Variants in UBE2E2 observed in about 807,000 individuals in gnomAD.
UBE2E2 encodes ubiquitin conjugating enzyme E2 E2, also known as ubiquitin-conjugating enzyme E2 E2.
A neutral mutation model predicts 24.7 loss-of-function variants in UBE2E2; 6 were observed. The ratio of observed to expected loss-of-function variants is 0.24; its 90% CI spans 0.13 to 0.48. The LOEUF is 0.48. Ranked by LOEUF, UBE2E2 falls within the 20% of genes least tolerant of loss-of-function variation. UBE2E2 has a pLI of 0.99. For missense variants in UBE2E2, 169 were observed against 245.0 expected (o/e 0.69, Z 2.07); for synonymous variants, 104 against 83.6 (o/e 1.24, Z -1.33).
intron 3 of UBE2E2, among the ~76,000 whole-genome samples, chr3:23,320,627 A>T (rs1289384978): frequency 1.3e-5 from 2 of 152,192 alleles, no homozygotes; most frequent in African/African-American, 4.8e-5. Flanking sequence ...CACTGTACAG[A>T]AAGGTTACGT....
At chr3:23,383,863 A>T (rs1027377950) in intron 3 of UBE2E2, among the ~76,000 whole-genome samples, 1 of 151,684 alleles carries the variant, frequency 6.6e-6, no homozygotes, top group Non-Finnish European at 1.5e-5. Flanking sequence ...GGGAAATAGT[A>T]TATCCATCAA....
At chr3:23,291,035 C>G (rs973765603) in intron 3 of UBE2E2, among the ~76,000 whole-genome samples, 2 of 150,052 alleles carry the variant, frequency 1.3e-5, no homozygotes, top group Admixed American at 1.3e-4. Context: ...ATGCACTGCC[C>G]TCCAGCCTGG....
At chr3:23,283,610 T>A (rs1698534518) in intron 3 of UBE2E2, among the ~76,000 whole-genome samples, 1 of 152,086 alleles carries the variant, frequency 6.6e-6, no homozygotes, top group South Asian at 2.1e-4. Context: ...ACTTATAGTC[T>A]CAGCAGATGT....
At chr3:23,252,935 A>G (rs1453448896) in intron 3 of UBE2E2, among the ~76,000 whole-genome samples, 2 of 152,218 alleles carry the variant, frequency 1.3e-5, no homozygotes, top group East Asian at 1.9e-4. Flanking sequence ...TAAAGAGACT[A>G]GTAAGAATCC....
rs367657033 is a variant in UBE2E2, at chr3:23,575,419, G to A, written c.509-14315G>A. On this transcript the variant is annotated intron_variant, in intron 5 of 5. Transcript: ENST00000396703. ...CTAAAGCAAATTTTGACCGAGTACT[G>A]AGGCCAAAGCTTAGTTATAGTGTGT... Among the ~76,000 whole-genome samples the A allele has an allele frequency of 5.9e-5, 9 of 152,252 alleles. No homozygotes were observed. In the South Asian group the frequency reaches 1.9e-3, roughly 32 times the overall value.
intron 3 of UBE2E2, among the ~76,000 whole-genome samples, chr3:23,238,837 G>A (rs1371770287): frequency 1.3e-5 from 2 of 152,136 alleles, no homozygotes; most frequent in African/African-American, 4.8e-5. Flanking sequence ...GCCACATGGG[G>A]TTAGGTGTGG....
At chr3:23,348,610 C>A (rs1376979825) in intron 3 of UBE2E2, among the ~76,000 whole-genome samples, 1 of 152,134 alleles carries the variant, frequency 6.6e-6, no homozygotes, top group Non-Finnish European at 1.5e-5. Flanking sequence ...ACACCAAGGA[C>A]TGGTCAGTCC....
intron 3 of UBE2E2, among the ~76,000 whole-genome samples, chr3:23,221,270 T>C (rs570411078): frequency 6.6e-6 from 1 of 152,332 alleles, no homozygotes; most frequent in East Asian, 1.9e-4. Context: ...ACACTGGCGC[T>C]GCTTTTTAAT....
intron 3 of UBE2E2, among the ~76,000 whole-genome samples, chr3:23,238,414 TAA>T (rs34476802): frequency 6.6e-6 from 1 of 152,200 alleles, no homozygotes; most frequent in Non-Finnish European, 1.5e-5. Context: ...TGTGCAAATG[TAA>T]AGAGTTATAT....
chr3:23,582,436 C>A (rs1399843030), intron 5 of UBE2E2, among the ~76,000 whole-genome samples: 1 of 152,150 alleles, frequency 6.6e-6, no homozygotes, highest in Non-Finnish European at 1.5e-5. Context: ...ATTGCTGGGT[C>A]AAATGGTAAT....
chr3:23,302,963 A>G (rs1699140177), intron 3 of UBE2E2, among the ~76,000 whole-genome samples: 2 of 152,146 alleles, frequency 1.3e-5, no homozygotes, highest in African/African-American at 4.8e-5. Flanking sequence ...TTCCCATGAC[A>G]CATACCTGTG....
intron 4 of UBE2E2, among the ~76,000 whole-genome samples, chr3:23,506,977 C>T (rs967554874): frequency 1.5e-4 from 23 of 152,168 alleles, no homozygotes; most frequent in African/African-American, 5.3e-4. Context: ...AAATTATTTG[C>T]TTAAACCCTT....
chr3:23,371,101 C>T lies in UBE2E2; in HGVS notation c.228-128507C>T, dbSNP rs190425228. On this transcript the variant is annotated intron_variant, in intron 3 of 5. Transcript: ENST00000396703. Reference sequence around the variant, plus strand: ...CTTGAGTGCAGTGACACAATCATGGCTCACTGCAGCCTAAACCTCCTGGGC... The same window carrying T: ...CTTGAGTGCAGTGACACAATCATGGTTCACTGCAGCCTAAACCTCCTGGGC... 1.2e-4 allele frequency among the ~76,000 whole-genome samples: 18 copies of T among 152,274 alleles called. No individual in the cohort carries two copies. In the East Asian group the frequency reaches 3.3e-3, roughly 28 times the overall value.
At chr3:23,544,788 G>A (rs934096351) in intron 5 of UBE2E2, among the ~76,000 whole-genome samples, 16 of 151,712 alleles carry the variant, frequency 1.1e-4, no homozygotes, top group African/African-American at 9.7e-5. Flanking sequence ...GGGAACCAGC[G>A]TTCAGCATAT....
intron 3 of UBE2E2, among the ~76,000 whole-genome samples, chr3:23,310,385 A>G (rs183654136): frequency 5.1e-4 from 77 of 150,760 alleles, no homozygotes; most frequent in Non-Finnish European, 5.7e-4. Context: ...CAGAAGATTT[A>G]TAATCAGACT....
intron 4 of UBE2E2, among the ~76,000 whole-genome samples, chr3:23,526,239 T>C (rs759588043): frequency 1.3e-5 from 2 of 152,236 alleles, no homozygotes; most frequent in Non-Finnish European, 1.5e-5. Context: ...CTATTATTAG[T>C]TTAGCCTATA....
intron 3 of UBE2E2, among the ~76,000 whole-genome samples, chr3:23,479,877 T>G (rs1303803221): frequency 1.3e-5 from 2 of 152,116 alleles, no homozygotes; most frequent in Non-Finnish European, 2.9e-5. Context: ...AGGCAGTACA[T>G]GCTGACTGGT....
At chr3:23,306,409 C>A (rs1182613163) in intron 3 of UBE2E2, among the ~76,000 whole-genome samples, 1 of 152,140 alleles carries the variant, frequency 6.6e-6, no homozygotes, top group African/African-American at 2.4e-5. Context: ...CAAATATTAG[C>A]CAATCCAGTC....
intron 4 of UBE2E2, among the ~76,000 whole-genome samples, chr3:23,520,327 G>C (rs1461433004): frequency 6.6e-6 from 1 of 152,088 alleles, no homozygotes; most frequent in Non-Finnish European, 1.5e-5. Context: ...AAGTCACCTA[G>C]GACAGTGCGT....
Sources: gnomAD v4.1 joint callset for allele counts (sites outside exome capture counted in the v4.1 genomes callset) on GRCh38, gnomAD v4.1.1 for gene constraint, MANE v1.5 for transcripts, NCBI Gene and HGNC (gene_info 2026-07-23, HGNC 2026-07-21) for gene names.